TIAM2: variants seen among roughly 807,000 people sequenced by gnomAD.
TIAM2 encodes TIAM Rac1 associated GEF 2.
TIAM2 carries 80 observed loss-of-function variants against 152.9 expected under a neutral mutation model. The observed-to-expected ratio is 0.52, with a 90% CI of 0.44 to 0.63. The LOEUF is 0.63. Among genes scored for constraint, TIAM2 ranks in the 30% least tolerant of loss-of-function variants. The probability of loss-of-function intolerance (pLI) is 0.00; values close to 1 mark genes in which losing one functional copy is unlikely to be tolerated. For synonymous variants in TIAM2, 804 were observed against 838.0 expected (o/e 0.96, Z 0.70); for missense variants, 1,965 against 2,120.1 (o/e 0.93, Z 1.44).
intron 9 of TIAM2, among the ~76,000 whole-genome samples, chr6:155,169,873 C>T (rs1258725351): frequency 3.9e-5 from 6 of 151,978 alleles, no homozygotes; most frequent in Admixed American, 1.3e-4. Context: ...GGCTGGAGTG[C>T]AGTGGCGTGA....
intron 2 of TIAM2, among the ~76,000 whole-genome samples, chr6:155,123,627 G>A (rs1295516251): frequency 6.6e-6 from 1 of 152,200 alleles, no homozygotes; most frequent in Non-Finnish European, 1.5e-5. Flanking sequence ...TTCCACCTGG[G>A]AGTGATTCTG....
intron 14 of TIAM2, among the ~76,000 whole-genome samples, chr6:155,195,044 A>G (rs1002187589): frequency 1.3e-5 from 2 of 152,212 alleles, no homozygotes; most frequent in Admixed American, 1.3e-4. Context: ...CGGAACTGTG[A>G]GTCAATGAAA....
At chr6:155,161,672 A>G (rs11963613) in intron 7 of TIAM2, among the ~76,000 whole-genome samples, 2,550 of 150,972 alleles carry the variant, frequency 0.017, 89 homozygotes, top group African/African-American at 0.059. Context: ...GGTTCAAGCA[A>G]TTCTCCTGCC....
Position 155,114,045 on chromosome 6 carries a change from T to A in TIAM2, c.-117-13445T>A, listed in dbSNP as rs1778946239. ...ATATATATATATATATATTTTTTTT[T>A]TTTTCTTTTTTTTTTTTTTTTTTTT... is the stretch of plus-strand genomic sequence containing the variant. On this transcript the variant is annotated intron_variant, in intron 2 of 26. Transcript: ENST00000682666. Among the ~76,000 whole-genome samples, 236 of 73,046 alleles carry A rather than the reference T, an allele frequency of 3.2e-3. 1 individual carries two copies. The highest frequency in any genetic ancestry group is 0.013 in the African/African-American group (193 of 14,600). 47.9% of individuals were successfully genotyped at this position (73,046 alleles called of 152,430 possible).
At position 155,218,893 on chromosome 6, in the gene TIAM2, G is replaced by A. The variant is rs552677903; in HGVS notation, c.3168+7586G>A. Among the ~76,000 whole-genome samples, 535 of 148,390 alleles carry A rather than the reference G, an allele frequency of 3.6e-3. No individual in the cohort carries two copies. Among genetic ancestry groups the A allele is most frequent in the Non-Finnish European group, 5.6e-3 (377 of 67,008 alleles). On this transcript the variant is annotated intron_variant, in intron 15 of 26. Coordinates refer to ENST00000682666, the MANE Select transcript of TIAM2 (RefSeq NM_012454.4). The surrounding 1 kb of genome is among the most constrained non-coding windows in gnomAD (Gnocchi z 4.5). Reference sequence around the variant, plus strand: ...ACCCGTGTTCTTGACCATCTCAGCCGCCCACCCGTGTTCTTGACCATCTCA... The same window carrying A: ...ACCCGTGTTCTTGACCATCTCAGCCACCCACCCGTGTTCTTGACCATCTCA...
At chr6:155,018,914 C>T (rs1776403069) in intron 1 of TIAM2, among the ~76,000 whole-genome samples, 1 of 148,476 alleles carries the variant, frequency 6.7e-6, no homozygotes, top group East Asian at 2.0e-4. Flanking sequence ...GTGGCAGGCA[C>T]CTGTAATCCC....
At chr6:155,236,033 A>C (rs970278262) in intron 15 of TIAM2, among the ~76,000 whole-genome samples, 2 of 152,072 alleles carry the variant, frequency 1.3e-5, no homozygotes, top group Non-Finnish European at 2.9e-5. Context: ...AGTTTTCAGG[A>C]CTGCAGAATT....
intron 1 of TIAM2, among the ~76,000 whole-genome samples, chr6:155,023,893 T>C (rs961409191): frequency 2.0e-5 from 3 of 152,158 alleles, no homozygotes; most frequent in African/African-American, 7.2e-5. Context: ...ATGAAGGGAT[T>C]GGAGAGAGTA....
rs373763760 is a variant in TIAM2 at position 155,248,189 on chromosome 6, C to T, written c.3832+10C>T. 2.2e-5 allele frequency: 35 copies of T among 1,611,108 alleles called. No individual in the cohort carries two copies. The highest frequency in any genetic ancestry group is 1.9e-4 in the African/African-American group (14 of 75,012). On this transcript the variant is annotated intron_variant, in intron 20 of 26. Coordinates refer to ENST00000682666, the MANE Select transcript of TIAM2 (RefSeq NM_012454.4). ...CACTACCACCTGACGGGTGAGGCGG[C>T]GGCGGCACCTCCGGGCGAGGGCCTG...
chr6:155,142,408 G>A (rs531690866), intron 5 of TIAM2, among the ~76,000 whole-genome samples: 1 of 152,324 alleles, frequency 6.6e-6, no homozygotes, highest in East Asian at 1.9e-4. Flanking sequence ...TTGGCCCAAG[G>A]TTTGCATTCA....
chr6:155,237,274 ACAC>A (rs1562366090), intron 15 of TIAM2, among the ~76,000 whole-genome samples: 2 of 152,248 alleles, frequency 1.3e-5, no homozygotes, highest in Non-Finnish European at 2.9e-5. Flanking sequence ...CATCCAGGTC[ACAC>A]TGATGCAAGA....
At chr6:155,231,423 C>T (rs1203675100) in intron 15 of TIAM2, among the ~76,000 whole-genome samples, 1 of 152,196 alleles carries the variant, frequency 6.6e-6, no homozygotes, top group Non-Finnish European at 1.5e-5. Flanking sequence ...CATACAATTT[C>T]CCTGGAGTAT....
chr6:155,204,789 G>C (rs115657229), intron 14 of TIAM2, among the ~76,000 whole-genome samples: 2 of 152,148 alleles, frequency 1.3e-5, no homozygotes, highest in African/African-American at 4.8e-5. Context: ...TTCCGATGCG[G>C]TGACTGCTGT....
Position 155,129,465 on chromosome 6 carries a change from C to T in TIAM2, c.242C>T (p.Pro81Leu). ...NQPYASRLGG[P>L]TCKVSRGVAY... ...CCTTACGCATCGAGACTCGGTGGCC[C>T]CACATGCAAGGTCTCCAGAGGTGTT... Residue 81 changes from proline (P) to leucine (L), a missense_variant, in exon 4 of 27, where the codon CCC (proline) becomes CTC (leucine). Coordinates refer to ENST00000682666, the MANE Select transcript of TIAM2 (RefSeq NM_012454.4). The surrounding 1 kb of genome is among the most constrained non-coding windows in gnomAD (Gnocchi z 4.8). 1 of 1,614,076 alleles carries T rather than the reference C, an allele frequency of 6.2e-7. No homozygotes were observed. Among genetic ancestry groups the T allele is most frequent in the African/African-American group, 1.3e-5 (1 of 74,988 alleles).
intron 2 of TIAM2, among the ~76,000 whole-genome samples, chr6:155,105,924 C>T (rs1166718073): frequency 6.6e-6 from 1 of 151,936 alleles, no homozygotes; most frequent in Non-Finnish European, 1.5e-5. Context: ...TATTCATCAT[C>T]CCGCCTCCAC....
chr6:155,180,632 T>G (rs1042093686), intron 12 of TIAM2, among the ~76,000 whole-genome samples: 1 of 152,200 alleles, frequency 6.6e-6, no homozygotes. Context: ...AGACATAGTC[T>G]TGCTCTGTCA....
intron 1 of TIAM2, among the ~76,000 whole-genome samples, chr6:155,086,021 T>C (rs1778164539): frequency 1.3e-5 from 2 of 152,238 alleles, no homozygotes; most frequent in Admixed American, 1.3e-4. Context: ...CTGCAAATTC[T>C]CCCTTAAAAT....
chr6:155,074,853 CAAAA>C (rs71023618), intron 1 of TIAM2, among the ~76,000 whole-genome samples: 2 of 37,664 alleles, frequency 5.3e-5, no homozygotes, highest in Non-Finnish European at 1.0e-4. Flanking sequence ...GACTCTGTCT[CAAAA>C]AAAAAAAAAA....
intron 2 of TIAM2, among the ~76,000 whole-genome samples, chr6:155,122,711 A>T (rs376616872): frequency 7.2e-5 from 11 of 152,146 alleles, no homozygotes; most frequent in Non-Finnish European, 1.6e-4. Context: ...TTACGTCTCT[A>T]CCAGCCCTGG....
Sources: gnomAD v4.1 joint callset for allele counts (sites outside exome capture counted in the v4.1 genomes callset) on GRCh38, gnomAD v4.1.1 for gene constraint, Gnocchi (gnomAD v3.1) non-coding constraint, MANE v1.5 for transcripts, NCBI Gene and HGNC (gene_info 2026-07-23, HGNC 2026-07-21) for gene names.